Variants in GABRA5 observed in about 807,000 individuals in gnomAD.
GABRA5 encodes gamma-aminobutyric acid receptor subunit alpha-5.
A neutral mutation model predicts 47.3 loss-of-function variants in GABRA5; 18 were observed. The observed-to-expected ratio is 0.38, with a 90% CI of 0.26 to 0.56. The LOEUF (loss-of-function observed/expected upper bound fraction) is 0.56. Ranked by LOEUF, GABRA5 falls within the 20% of genes least tolerant of loss-of-function variation. GABRA5 has a pLI of 0.71. For synonymous variants in GABRA5, 237 were observed against 229.3 expected (o/e 1.03, Z -0.30); for missense variants, 365 against 599.3 (o/e 0.61, Z 4.08).
At chr15:26,942,919 A>G (rs1031746631) in intron 9 of GABRA5, among the ~76,000 whole-genome samples, 4 of 152,100 alleles carry the variant, frequency 2.6e-5, no homozygotes, top group African/African-American at 9.7e-5. Flanking sequence ...CCTCGTCTCT[A>G]TTAAAAATAC....
At chr15:26,876,762 G>A (rs937245046) in intron 3 of GABRA5, among the ~76,000 whole-genome samples, 1 of 152,200 alleles carries the variant, frequency 6.6e-6, no homozygotes. Flanking sequence ...TGAATGAAAG[G>A]CTCTTTTAAA....
chr15:26,937,970 C>T (rs1195957134), intron 8 of GABRA5, among the ~76,000 whole-genome samples: 1 of 152,208 alleles, frequency 6.6e-6, no homozygotes, highest in Non-Finnish European at 1.5e-5. Flanking sequence ...GTGCTGTGAG[C>T]AAGGGAGGGG....
intron 10 of GABRA5, among the ~76,000 whole-genome samples, chr15:26,946,958 A>G (rs1195931357): frequency 6.6e-6 from 1 of 152,220 alleles, no homozygotes; most frequent in African/African-American, 2.4e-5. Context: ...CGACTGATAT[A>G]CACAGCAATA....
At chr15:26,921,727 T>A (rs555554017) in intron 7 of GABRA5, among the ~76,000 whole-genome samples, 1 of 152,298 alleles carries the variant, frequency 6.6e-6, no homozygotes, top group Admixed American at 6.5e-5. Flanking sequence ...GTGTGCTCAT[T>A]TAATGCTATA....
Position 26,883,198 on chromosome 15 carries a change from G to A in GABRA5, c.241G>A (p.Val81Ile). ...CACTCAGGTGAGGACCGACATCTAC[G>A]TCACCAGCTTCGGCCCGGTGTCCGA... ...RITQVRTDIYVTSFGPVSDTE... is the reference protein window; with the variant it reads ...RITQVRTDIYITSFGPVSDTE... The change falls in exon 5 of 11, where the codon GTC becomes ATC. Residue 81 changes from valine (V) to isoleucine (I), a missense_variant. This residue lies in a region of GABRA5 where 216 missense variants were observed against 335.3 expected (regional missense o/e 0.64). Coordinates refer to ENST00000335625, the MANE Select transcript of GABRA5 (RefSeq NM_000810.4). This position sits in a 1 kb window ranked among gnomAD's most constrained non-coding sequence, Gnocchi z 4.8. 1 of 1,613,930 alleles carries A rather than the reference G, an allele frequency of 6.2e-7. No homozygotes were observed. The highest frequency in any genetic ancestry group is 8.5e-7 in the Non-Finnish European group (1 of 1,179,854).
At chr15:26,895,116 A>C (rs550924910) in intron 6 of GABRA5, among the ~76,000 whole-genome samples, 1 of 152,060 alleles carries the variant, frequency 6.6e-6, no homozygotes, top group South Asian at 2.1e-4. Flanking sequence ...CGGGGGCACA[A>C]GCCCTTCGTT....
At chr15:26,919,507 C>T (rs1173580452) in intron 7 of GABRA5, among the ~76,000 whole-genome samples, 1 of 152,136 alleles carries the variant, frequency 6.6e-6, no homozygotes, top group East Asian at 1.9e-4. Context: ...CATATAAAGA[C>T]TACACTTTAC....
chr15:26,874,437 C>T (rs1386990926), intron 3 of GABRA5, among the ~76,000 whole-genome samples: 2 of 152,092 alleles, frequency 1.3e-5, no homozygotes, highest in African/African-American at 2.4e-5. Flanking sequence ...GTGATAAAAG[C>T]AAGGGATCCC....
At chr15:26,912,187 G>A (rs1481383260) in intron 6 of GABRA5, among the ~76,000 whole-genome samples, 1 of 152,178 alleles carries the variant, frequency 6.6e-6, no homozygotes, top group Non-Finnish European at 1.5e-5. Flanking sequence ...GTTTCCTCGT[G>A]TGCTCATCTT....
At chr15:26,945,381 T>A (rs1894487053) in intron 10 of GABRA5, among the ~76,000 whole-genome samples, 1 of 152,174 alleles carries the variant, frequency 6.6e-6, no homozygotes, top group South Asian at 2.1e-4. Context: ...CAAGTTGGGA[T>A]CTCCAGAAGC....
At chr15:26,896,142 A>G (rs534995305) in intron 6 of GABRA5, among the ~76,000 whole-genome samples, 1 of 152,138 alleles carries the variant, frequency 6.6e-6, no homozygotes, top group South Asian at 2.1e-4. Context: ...TTTGGAATGT[A>G]TTTTCTTCCT....
intron 4 of GABRA5, among the ~76,000 whole-genome samples, chr15:26,882,965 A>C (rs1188641974): frequency 6.6e-6 from 1 of 152,166 alleles, no homozygotes; most frequent in East Asian, 1.9e-4. Context: ...TGTGTTCTGT[A>C]TGATGGGAAT....
chr15:26,921,441 A>T (rs1893839701), intron 7 of GABRA5, among the ~76,000 whole-genome samples: 1 of 152,106 alleles, frequency 6.6e-6, no homozygotes, highest in Non-Finnish European at 1.5e-5. Context: ...TGATGTCTGC[A>T]GTGTCTGTAG....
At chr15:26,894,057 G>GTGCTCCCCAGACGCCCTT (rs370793410) in intron 6 of GABRA5, among the ~76,000 whole-genome samples, 40,969 of 151,232 alleles carry the variant, frequency 0.27, 5,669 homozygotes, top group Middle Eastern at 0.32. Flanking sequence ...CGCGCCCCCT[G>GTGCTCCCCAGACGCCCTT]TGCTCCCCAG....
intron 6 of GABRA5, among the ~76,000 whole-genome samples, chr15:26,894,105 A>G (rs1423008138): frequency 7.2e-6 from 1 of 139,690 alleles, no homozygotes; most frequent in Non-Finnish European, 1.6e-5. Context: ...CGGAGGCTGG[A>G]GCGCAGCGGC....
rs370999642 is a variant in GABRA5, at chr15:26,914,842, C to T, written c.537C>T (p.Asp179=). The T allele has an allele frequency of 3.7e-6, 6 of 1,613,900 alleles. No homozygotes were observed. The African/African-American group carries it at 6.7e-5, about 18-fold the overall frequency. The part of the protein sequence containing the change: ...ISAECPMQLE[D]FPMDAHACPL... ...CAGAGTGCCCCATGCAGCTTGAGGA[C>T]TTCCCGATGGATGCGCACGCTTGCC... Residue 179 remains aspartate, a synonymous_variant, in exon 7 of 11, where the codon GAC becomes GAT. Coordinates refer to ENST00000335625, the MANE Select transcript of GABRA5 (RefSeq NM_000810.4).
At chr15:26,908,630 C>T (rs1893503711) in intron 6 of GABRA5, among the ~76,000 whole-genome samples, 1 of 152,198 alleles carries the variant, frequency 6.6e-6, no homozygotes, top group Non-Finnish European at 1.5e-5. Context: ...AGCCTTGTTT[C>T]TTTTCTGTAG....
At chr15:26,914,418 T>C (rs1893673292) in intron 6 of GABRA5, among the ~76,000 whole-genome samples, 1 of 152,224 alleles carries the variant, frequency 6.6e-6, no homozygotes, top group Admixed American at 6.5e-5. Context: ...TCTACATTTA[T>C]ATTTTTTGAG....
intron 6 of GABRA5, among the ~76,000 whole-genome samples, chr15:26,890,437 T>C (rs1402441533): frequency 1.3e-5 from 2 of 150,446 alleles, no homozygotes. Context: ...TTTTTTTTTT[T>C]TTTTTTTGCT....
Sources: gnomAD v4.1 joint callset for allele counts (sites outside exome capture counted in the v4.1 genomes callset) on GRCh38, gnomAD v4.1.1 for gene constraint, gnomAD v4.1.1 regional missense constraint, Gnocchi (gnomAD v3.1) non-coding constraint, MANE v1.5 for transcripts, NCBI Gene and HGNC (gene_info 2026-07-23, HGNC 2026-07-21) for gene names.